CPZ: variants seen among roughly 807,000 people sequenced by gnomAD.
CPZ encodes carboxypeptidase Z, also known as VEZT/CPZ fusion.
CPZ carries 103 observed loss-of-function variants against 61.8 expected under a neutral mutation model. That is an observed-to-expected ratio of 1.67 (90% CI 1.42 to 1.96). CPZ has a LOEUF of 1.96. CPZ is among the 30% of genes most tolerant of loss of function. The probability of loss-of-function intolerance (pLI) is 0.00; values close to 1 mark genes in which losing one functional copy is unlikely to be tolerated. For synonymous variants in CPZ, 551 were observed against 373.7 expected (o/e 1.47, Z -5.47); for missense variants, 1,461 against 914.9 (o/e 1.60, Z -7.70).
intron 4 of CPZ, among the ~76,000 whole-genome samples, chr4:8,605,639 A>G (rs894714726): frequency 1.3e-5 from 2 of 150,986 alleles, no homozygotes; most frequent in Non-Finnish European, 1.5e-5. Flanking sequence ...TGATATATCC[A>G]TTCATCCACT....
chr4:8,603,864 C>T (rs1714750570), intron 3 of CPZ, 112 bp from the exon 4 acceptor site: 4 of 891,974 alleles, frequency 4.5e-6, no homozygotes, highest in Non-Finnish European at 5.4e-6. Context: ...GATGTCCAAG[C>T]ATGGCTGTCG....
chr4:8,606,845 C>A lies in CPZ; in HGVS notation c.1015C>A (p.Arg339Ser). The A allele has an allele frequency of 1.9e-6, 3 of 1,613,536 alleles. No homozygotes were observed. The highest frequency in any genetic ancestry group is 1.3e-5 in the African/African-American group (1 of 75,052). ...TSEYYRLAET[R>S]GARSDHIPIP... is the part of the protein sequence containing the mutation. ...CGAGTACTACCGGCTGGCGGAGACC[C>A]GCGGCGCACGCAGCGACCACATCCC... The change falls in exon 6 of 11, where the codon CGC (arginine) becomes AGC (serine). Residue 339 changes from arginine to serine, a missense_variant. Coordinates refer to ENST00000360986, the MANE Select transcript of CPZ (RefSeq NM_001014447.3).
At position 8,609,712 on chromosome 4, in the gene CPZ, C is replaced by T. The variant is rs567815979; in HGVS notation, c.1227+2287C>T. Among the ~76,000 whole-genome samples, 41 of 152,364 alleles carry T rather than the reference C, an allele frequency of 2.7e-4. 1 individual carries two copies. Among genetic ancestry groups the T allele is most frequent in the South Asian group, 2.1e-3 (10 of 4,832 alleles). Reference sequence around the variant, plus strand: ...AGCCTCAGAACCAGATGTGAGAAGACGTCCCCAGGGGGGATGTTCACCCCA... The same window carrying T: ...AGCCTCAGAACCAGATGTGAGAAGATGTCCCCAGGGGGGATGTTCACCCCA... On this transcript the variant is annotated intron_variant, in intron 7 of 10. Coordinates refer to ENST00000360986, the MANE Select transcript of CPZ (RefSeq NM_001014447.3).
rs1560294650 is a variant in CPZ at position 8,606,011 on chromosome 4, C to CGGCAACATTCAT, written c.739_750dup (p.Ile247_Asn250dup). On this transcript the variant is annotated inframe_insertion, in exon 5 of 11. Transcript: ENST00000360986. ...CAGTGGAGCCCGAGGTGAAGCTCATCGGCAACATTCATGGCAACGAGGTGG... is the reference window on the plus strand; with the variant it reads ...CAGTGGAGCCCGAGGTGAAGCTCATCGGCAACATTCATGGCAACATTCATGGCAACGAGGTGG... The CGGCAACATTCAT allele has an allele frequency of 6.2e-7, 1 of 1,613,794 alleles. No homozygotes were observed. The highest frequency in any genetic ancestry group is 1.7e-5 in the Admixed American group (1 of 60,016).
At position 8,607,260 on chromosome 4, in the gene CPZ, T is replaced by G. The variant is rs368809801; in HGVS notation, c.1069-7T>G. The G allele has an allele frequency of 6.1e-4, 977 of 1,613,906 alleles. 2 individuals are homozygous for G. The highest frequency in any genetic ancestry group is 8.2e-4 in the Admixed American group (49 of 60,004). On this transcript the variant is annotated splice_polypyrimidine_tract_variant and splice_region_variant and intron_variant, in intron 6 of 10. Transcript: ENST00000360986. ...GCCCTGAGGGCGGCCTCGTCTGTCC[T>G]GGGCAGGTGGCCCCGGAGACAAAGG...
At chr4:8,616,724 C>T (rs1716201379) in intron 9 of CPZ, among the ~76,000 whole-genome samples, 1 of 152,198 alleles carries the variant, frequency 6.6e-6, no homozygotes, top group African/African-American at 2.4e-5. Context: ...GCTTCTCGAG[C>T]TGTCCAGTTT....
At chr4:8,599,760 G>A in intron 2 of CPZ, 1 of 604,942 alleles carries the variant, frequency 1.7e-6, no homozygotes, top group Non-Finnish European at 2.6e-6. Flanking sequence ...AGTCCCCACT[G>A]CAGTCACACG....
intron 1 of CPZ, among the ~76,000 whole-genome samples, chr4:8,593,430 A>T (rs1713945458): frequency 6.6e-6 from 1 of 152,116 alleles, no homozygotes; most frequent in African/African-American, 2.4e-5. Flanking sequence ...CCCTGGAGGG[A>T]TCTGGGGCCC....
intron 10 of CPZ, among the ~76,000 whole-genome samples, chr4:8,618,768 C>A (rs1364975025): frequency 6.6e-6 from 1 of 152,222 alleles, no homozygotes; most frequent in Non-Finnish European, 1.5e-5. Context: ...GATGCATGCT[C>A]TGTATTCCTA....
At chr4:8,616,292 C>T (rs1002209991) in intron 9 of CPZ, among the ~76,000 whole-genome samples, 6 of 152,066 alleles carry the variant, frequency 3.9e-5, no homozygotes, top group Non-Finnish European at 8.8e-5. Context: ...AGGGGAGGGG[C>T]GGCGTGGCAG....
chr4:8,598,877 C>T (rs974344995), intron 1 of CPZ, among the ~76,000 whole-genome samples: 2 of 152,282 alleles, frequency 1.3e-5, no homozygotes, highest in Non-Finnish European at 2.9e-5. Context: ...ATCCTTTGTT[C>T]TTGGAAGAGG....
At chr4:8,600,800 C>T (rs948601209) in intron 2 of CPZ, among the ~76,000 whole-genome samples, 2 of 152,248 alleles carry the variant, frequency 1.3e-5, no homozygotes, top group Non-Finnish European at 2.9e-5. Flanking sequence ...CCTGTCCCTG[C>T]CTAATGCAGC....
chr4:8,595,007 C>CAA (rs1251718463), intron 1 of CPZ, among the ~76,000 whole-genome samples: 1 of 152,270 alleles, frequency 6.6e-6, no homozygotes, highest in East Asian at 1.9e-4. Context: ...CTCCTGACCC[C>CAA]GTGATCCACC....
At chr4:8,616,244 G>A (rs767044099) in intron 9 of CPZ, among the ~76,000 whole-genome samples, 7 of 152,166 alleles carry the variant, frequency 4.6e-5, no homozygotes, top group Non-Finnish European at 8.8e-5. Context: ...AAGTGATCCT[G>A]GCCAGGCCTC....
intron 9 of CPZ, among the ~76,000 whole-genome samples, chr4:8,614,793 G>C (rs1716022845): frequency 1.3e-5 from 2 of 152,190 alleles, no homozygotes; most frequent in Admixed American, 1.3e-4. Context: ...GGCCTGGGCA[G>C]CCCGGCGAGG....
In CPZ at chr4:8,614,436, G is replaced by T. The variant is rs148630400; in HGVS notation, c.1441G>T (p.Glu481Ter). The T allele has an allele frequency of 4.3e-6, 7 of 1,613,968 alleles. No homozygotes were observed. The Admixed American group carries it at 8.3e-5, about 19-fold the overall frequency. The change falls in exon 9 of 11, where the codon GAG becomes TAG. Residue 481 changes from glutamate to a stop codon, truncating the protein, a stop_gained. Transcript: ENST00000360986. LOFTEE classifies it high-confidence loss of function. ...VELGCVKFPP[E>*]EALYILWQHN... ...GCTGGGCTGTGTGAAGTTCCCCCCCGAGGAGGCCCTGTACATACTCTGGCA... is the reference window on the plus strand; with the variant it reads ...GCTGGGCTGTGTGAAGTTCCCCCCCTAGGAGGCCCTGTACATACTCTGGCA...
chr4:8,601,036 C>T (rs1714533012), intron 2 of CPZ, 87 bp from the exon 3 acceptor site: 6 of 1,470,014 alleles, frequency 4.1e-6, no homozygotes, highest in Non-Finnish European at 5.4e-6. Flanking sequence ...GGCCCTGGCC[C>T]TGCGTGGGGT....
At chr4:8,614,632 G>A (rs1163883642) in intron 9 of CPZ, 134 bp downstream of exon 9, 1 of 918,706 alleles carries the variant, frequency 1.1e-6, no homozygotes, top group Non-Finnish European at 1.6e-6. Context: ...ACTTGTTTTG[G>A]GGTTAACTGT....
chr4:8,615,128 G>T (rs997353046), intron 9 of CPZ, among the ~76,000 whole-genome samples: 1 of 152,118 alleles, frequency 6.6e-6, no homozygotes, highest in Non-Finnish European at 1.5e-5. Context: ...GCAGAGGCTG[G>T]GGGCGGGGCA....
Sources: gnomAD v4.1 joint callset for allele counts (sites outside exome capture counted in the v4.1 genomes callset) on GRCh38, gnomAD v4.1.1 for gene constraint, MANE v1.5 for transcripts, NCBI Gene and HGNC (gene_info 2026-07-23, HGNC 2026-07-21) for gene names.